The following PEG3 variants were observed in gnomAD, a reference collection of about 807,000 sequenced individuals.
PEG3 encodes the protein paternally-expressed gene 3 protein.
A neutral mutation model predicts 35.5 loss-of-function variants in PEG3; 23 were observed. That is an observed-to-expected ratio of 0.65 (90% CI 0.47 to 0.92). The LOEUF (loss-of-function observed/expected upper bound fraction) is 0.92, where lower values mean the gene tolerates loss of function less well. Ranked by LOEUF, PEG3 falls within the 40% of genes least tolerant of loss-of-function variation. PEG3 has a pLI of 0.00. For missense variants in PEG3, 1,960 were observed against 1,985.3 expected, an observed-to-expected ratio of 0.99 and a Z score of 0.24; for synonymous variants, 707 against 697.0, an observed-to-expected ratio of 1.01 and a Z score of -0.23.
chr19:56,823,673 T>C lies in PEG3; in HGVS notation c.401A>G (p.Asn134Ser), dbSNP rs145366411. The C allele has an allele frequency of 3.1e-6, 5 of 1,614,062 alleles. No homozygotes were observed. The highest frequency in any genetic ancestry group is 1.3e-5 in the African/African-American group (1 of 74,916). The change falls in exon 5 of 10, where the codon AAC (asparagine) becomes AGC (serine). Residue 134 changes from asparagine to serine, a missense_variant. By Grantham distance (46) the Asn-to-Ser change is conservative. Coordinates refer to ENST00000326441, the MANE Select transcript of PEG3 (RefSeq NM_006210.3). ...GTCGTCGCTGGTCACGTCACTGTTG[T>C]TGTCGTCTAAGAGGACACCGGTCGC... is the stretch of plus-strand genomic sequence containing the variant. ...YKEMYQPEDDNNSDVTSDDDM... is the reference protein window; with the variant it reads ...YKEMYQPEDDSNSDVTSDDDM...
In PEG3 at chr19:56,813,472, C is replaced by T. The variant is rs2059682095; in HGVS notation, c.*203G>A. ...GCTATGGCTTTCCCACATGCAGACA[C>T]TGACATCTGAAGGGGAAAGCTTAAG... On this transcript the variant is annotated 3_prime_UTR_variant, in exon 10 of 10. Transcript: ENST00000326441. 7.2e-7 allele frequency: 1 copy of T among 1,393,112 alleles called. No individual in the cohort carries two copies. Among genetic ancestry groups the T allele is most frequent in the Non-Finnish European group, 9.3e-7 (1 of 1,074,690 alleles). The allele number at this position is 1,393,112 out of a possible 1,614,324, so 86.3% of individuals were successfully genotyped here. A position where few individuals can be genotyped will look rare whatever the true frequency, so the allele number is the denominator to read the frequency against.
chr19:56,831,937 G>A (rs2061604559), intron 2 of PEG3, among the ~76,000 whole-genome samples: 1 of 152,184 alleles, frequency 6.6e-6, no homozygotes, highest in African/African-American at 2.4e-5. Context: ...CAAAGCTATA[G>A]ATGGAGACCT....
At position 56,811,026 on chromosome 19, in the gene PEG3, C is replaced by T; in HGVS notation, c.*2649G>A. The T allele has an allele frequency of 1.0e-6, 1 of 975,718 alleles. No individual in the cohort carries two copies. Among genetic ancestry groups the T allele is most frequent in the Non-Finnish European group, 1.2e-6 (1 of 821,152 alleles). 60.4% of individuals were successfully genotyped at this position (975,718 alleles called of 1,614,324 possible). On this transcript the variant is annotated 3_prime_UTR_variant, in exon 10 of 10. Transcript: ENST00000326441. ...ATATACATTTTGACACAGTTATAAT[C>T]ATAAACCTGTGCACAGAAACAAGAA...
At chr19:56,827,675 A>C (rs1394621169) in intron 2 of PEG3, among the ~76,000 whole-genome samples, 1 of 152,228 alleles carries the variant, frequency 6.6e-6, no homozygotes, top group Non-Finnish European at 1.5e-5. Context: ...CCTATGTGCA[A>C]GAATATATTC....
intron 2 of PEG3, among the ~76,000 whole-genome samples, chr19:56,828,298 C>T (rs2061255139): frequency 6.6e-6 from 1 of 152,180 alleles, no homozygotes; most frequent in African/African-American, 2.4e-5. Context: ...CTGTTAGACC[C>T]AATAAATACT....
rs148128576 is a variant in PEG3 at position 56,814,156 on chromosome 19, G to A, written c.4286C>T (p.Ala1429Val). Reference protein sequence around the residue: ...NGEAEGPDGEAAEPIGEAGQP... With the variant: ...NGEAEGPDGEVAEPIGEAGQP... ...TCCAGCCTCTCCAATGGGCTCTGCA[G>A]CCTCTCCATCTGGCCCTTCAGCCTC... is the stretch of plus-strand genomic sequence containing the variant. The change falls in exon 10 of 10, where the codon GCT becomes GTT. Residue 1429 changes from alanine to valine, a missense_variant. Ala to Val is a moderately conservative substitution (Grantham distance 64, BLOSUM62 0). Coordinates refer to ENST00000326441, the MANE Select transcript of PEG3 (RefSeq NM_006210.3). This position sits in a 1 kb window ranked among gnomAD's most constrained non-coding sequence, Gnocchi z 5.8. The A allele has an allele frequency of 1.9e-5, 31 of 1,614,040 alleles. No individual in the cohort carries two copies. Among genetic ancestry groups the A allele is most frequent in the Non-Finnish European group, 2.6e-5 (31 of 1,180,038 alleles).
In PEG3 at chr19:56,811,811, C is replaced by T. The variant is rs541907100; in HGVS notation, c.*1864G>A. The T allele has an allele frequency of 2.8e-4, 277 of 985,558 alleles. 3 individuals carry two copies. In the South Asian group the frequency reaches 0.011, roughly 39 times the overall value. The allele number at this position is 985,558 out of a possible 1,614,324, so 61.1% of individuals were successfully genotyped here. A position where few individuals can be genotyped will look rare whatever the true frequency, so the allele number is the denominator to read the frequency against. On this transcript the variant is annotated 3_prime_UTR_variant, in exon 10 of 10. Transcript: ENST00000326441. ...CTCCTTTTCCAAACTGCTCAGGACA[C>T]CCCGCTCAATTCATTCTCAGAAACC...
chr19:56,827,595 T>C (rs538298925), intron 2 of PEG3, among the ~76,000 whole-genome samples: 66 of 152,294 alleles, frequency 4.3e-4, no homozygotes, highest in African/African-American at 1.5e-3. Flanking sequence ...TTTATCAAAA[T>C]TAAAAGTGCA....
chr19:56,818,388 T>A (rs1051682143), intron 8 of PEG3, among the ~76,000 whole-genome samples: 1 of 152,204 alleles, frequency 6.6e-6, no homozygotes, highest in African/African-American at 2.4e-5. Flanking sequence ...GTCCCCACCC[T>A]GTACAATGTA....
chr19:56,838,872 C>T (rs1158249164), intron 1 of PEG3, among the ~76,000 whole-genome samples: 1 of 152,134 alleles, frequency 6.6e-6, no homozygotes, highest in African/African-American at 2.4e-5. Context: ...GACAACCCCA[C>T]ACCTATGCGG....
In PEG3 at chr19:56,816,283, T is replaced by C; in HGVS notation, c.2159A>G (p.Lys720Arg). ...GAATGGCCCACTATGAATGACAGAT[T>C]TCTCATACCCTCTGCCTTCAAAGAG... ...KNLFEGRGYE[K>R]SVIHSGPFTE... The change falls in exon 10 of 10, where the codon AAA becomes AGA. Residue 720 changes from lysine to arginine, a missense_variant. Physicochemically the swap from Lys to Arg is conservative, Grantham distance 26. Transcript: ENST00000326441. 6.2e-7 allele frequency: 1 copy of C among 1,614,004 alleles called. No individual in the cohort carries two copies. The highest frequency in any genetic ancestry group is 8.5e-7 in the Non-Finnish European group (1 of 1,179,862).
Position 56,816,398 on chromosome 19 carries a change from C to T in PEG3, c.2044G>A (p.Glu682Lys). The T allele has an allele frequency of 3.1e-6, 5 of 1,613,936 alleles. No individual in the cohort carries two copies. The highest frequency in any genetic ancestry group is 4.2e-6 in the Non-Finnish European group (5 of 1,179,836). ...LKRRQKTYNK[E>K]KLCDFTDGRD... ...CCATCTGTAAAGTCACAGAGCTTCT[C>T]CTTATTGTAAGTTTTCTGACGCCTT... Residue 682 changes from glutamate (E) to lysine (K), a missense_variant, in exon 10 of 10, where the codon GAG becomes AAG. This residue lies in a region of PEG3 where 798 missense variants were observed against 782.4 expected (regional missense o/e 1.02). Coordinates refer to ENST00000326441, the MANE Select transcript of PEG3 (RefSeq NM_006210.3).
Position 56,811,695 on chromosome 19 carries a change from A to C in PEG3, c.*1980T>G, listed in dbSNP as rs1487217201. The C allele has an allele frequency of 1.0e-6, 1 of 985,404 alleles. No homozygotes were observed. Among genetic ancestry groups the C allele is most frequent in the Non-Finnish European group, 1.2e-6 (1 of 829,998 alleles). 61.0% of individuals were successfully genotyped at this position (985,404 alleles called of 1,614,324 possible). ...TTCAAGAGTCCTTTTCCCATGTAGT[A>C]AACCTCACTGCCCCTCAGCTTTCCC... On this transcript the variant is annotated 3_prime_UTR_variant, in exon 10 of 10. Transcript: ENST00000326441.
intron 2 of PEG3, chr19:56,833,226 T>TTTACTTTACTTTCTA: frequency 2.0e-6 from 1 of 503,492 alleles, no homozygotes; most frequent in South Asian, 1.5e-5. Context: ...CCCATTTCTA[T>TTTACTTTACTTTCTA]TTACTTACTT....
rs1183994751 is a variant in PEG3 at position 56,811,724 on chromosome 19, G to A, written c.*1951C>T. On this transcript the variant is annotated 3_prime_UTR_variant, in exon 10 of 10. Coordinates refer to ENST00000326441, the MANE Select transcript of PEG3 (RefSeq NM_006210.3). ...CTCACTGCCCCTCAGCTTTCCCGAT[G>A]TCCGTTCCAACCTCAGTCCTTCCTA... The A allele has an allele frequency of 1.8e-5, 18 of 985,528 alleles. No homozygotes were observed. Among genetic ancestry groups the A allele is most frequent in the Non-Finnish European group, 2.2e-5 (18 of 830,028 alleles). The allele number at this position is 985,528 out of a possible 1,614,324, so 61.0% of individuals were successfully genotyped here.
At position 56,824,799 on chromosome 19, in the gene PEG3, G is replaced by C. The variant is rs1287170220; in HGVS notation, c.-86-58C>G. The C allele has an allele frequency of 2.5e-5, 18 of 731,846 alleles. No individual in the cohort carries two copies. In the African/African-American group the frequency reaches 2.5e-4, roughly 10 times the overall value. 45.3% of individuals were successfully genotyped at this position (731,846 alleles called of 1,614,324 possible). On this transcript the variant is annotated intron_variant, in intron 3 of 9. Coordinates refer to ENST00000326441, the MANE Select transcript of PEG3 (RefSeq NM_006210.3). ...AGAAGTTGAAGACCAGGCAGCAGTG[G>C]AGGCCACCTTACCAGAGGCATCGAC...
rs763884675 is a variant in PEG3 at position 56,813,791 on chromosome 19, TGCTGGC to T, written c.4645_4650del (p.Ala1549_Ser1550del). 7 of 1,614,066 alleles carry T rather than the reference TGCTGGC, an allele frequency of 4.3e-6. No individual in the cohort carries two copies. The highest frequency in any genetic ancestry group is 4.2e-6 in the Non-Finnish European group (5 of 1,180,034). ...GCTTGATTGGCACCACCTGTGCTGG[TGCTGGC>T]ACGTTCGATGTAGCCTGAGCACTCC... On this transcript the variant is annotated inframe_deletion, in exon 10 of 10. Transcript: ENST00000326441.
intron 2 of PEG3, among the ~76,000 whole-genome samples, chr19:56,834,478 T>C (rs540908455): frequency 2.4e-4 from 36 of 152,296 alleles, no homozygotes; most frequent in African/African-American, 4.3e-4. Flanking sequence ...GGGAGAGAAT[T>C]TGCTGATCAT....
chr19:56,831,874 A>C (rs1248905079), intron 2 of PEG3, among the ~76,000 whole-genome samples: 1 of 152,238 alleles, frequency 6.6e-6, no homozygotes, highest in Non-Finnish European at 1.5e-5. Flanking sequence ...ATTTACGTGT[A>C]CACAGAGAAT....
Sources: allele counts gnomAD v4.1 joint callset (sites outside exome capture counted in the v4.1 genomes callset), GRCh38; gene constraint gnomAD v4.1.1; regional missense constraint gnomAD v4.1.1; non-coding constraint Gnocchi (gnomAD v3.1); transcripts MANE v1.5; gene names NCBI Gene and HGNC (gene_info 2026-07-23, HGNC 2026-07-21).